The following DMD variants were observed in gnomAD, a reference collection of about 807,000 sequenced individuals.
DMD encodes dystrophin.
In DMD, 63 loss-of-function variants were observed where a neutral mutation model predicts 330.1. The ratio of observed to expected loss-of-function variants is 0.19; its 90% CI spans 0.16 to 0.24. The LOEUF is 0.24. Ranked by LOEUF, DMD falls within the 10% of genes least tolerant of loss-of-function variation. The pLI, the probability that DMD is intolerant of heterozygous loss-of-function variation, is 1.00. For synonymous variants in DMD, 1,223 were observed against 959.8 expected (o/e 1.27, Z -5.07); for missense variants, 3,344 against 2,684.1 (o/e 1.25, Z -5.43).
intron 2 of DMD, among the ~76,000 whole-genome samples, chrX:32,936,517 C>T (rs1305712782): frequency 8.9e-6 from 1 of 111,932 alleles, no homozygotes; most frequent in Non-Finnish European, 1.9e-5. Context: ...ACTCCTGAAA[C>T]CTTCACAAAG....
At chrX:31,311,679 C>G (rs752553395) in intron 62 of DMD, among the ~76,000 whole-genome samples, 1 of 110,364 alleles carries the variant, frequency 9.1e-6, no homozygotes, top group Admixed American at 9.6e-5. Context: ...TTTTTTAATT[C>G]TGTGAAGAAG....
At chrX:32,655,338 T>C (rs184582533) in intron 9 of DMD, among the ~76,000 whole-genome samples, 144 of 112,404 alleles carry the variant, frequency 1.3e-3, no homozygotes, top group African/African-American at 4.6e-3. Flanking sequence ...GTATGTTGTG[T>C]CTTTGTTCTC....
chrX:31,905,256 T>TACTTC (rs58052183), intron 47 of DMD, among the ~76,000 whole-genome samples: 1,287 of 111,669 alleles, frequency 0.012, 11 homozygotes, highest in African/African-American at 0.036. Context: ...GAGTTGTTGG[T>TACTTC]ACTTCAAATA....
intron 57 of DMD, among the ~76,000 whole-genome samples, chrX:31,494,386 T>C (rs955517947): frequency 9.0e-6 from 1 of 111,334 alleles, no homozygotes; most frequent in African/African-American, 3.3e-5. Flanking sequence ...GTTATTAAAA[T>C]TTAGATGATT....
At chrX:32,076,240 A>G (rs2096348843) in intron 44 of DMD, among the ~76,000 whole-genome samples, 1 of 109,211 alleles carries the variant, frequency 9.2e-6, no homozygotes, top group Admixed American at 9.9e-5. Context: ...AGCAGCTATG[A>G]TACAAGGCAA....
intron 34 of DMD, among the ~76,000 whole-genome samples, chrX:32,377,845 A>C (rs2097910099): frequency 9.0e-6 from 1 of 111,081 alleles, no homozygotes. Context: ...CAAAATTAAA[A>C]ATTAATAAAA....
chrX:32,140,462 T>C (rs997305721), intron 44 of DMD, among the ~76,000 whole-genome samples: 2 of 112,347 alleles, frequency 1.8e-5, no homozygotes, highest in African/African-American at 6.5e-5. Flanking sequence ...GAAAATTCAG[T>C]TATCCAAAGG....
chrX:32,782,932 C>A (rs751852860), intron 7 of DMD, among the ~76,000 whole-genome samples: 1 of 101,806 alleles, frequency 9.8e-6, no homozygotes, highest in Non-Finnish European at 2.0e-5. Flanking sequence ...ACCCCATGTA[C>A]CCACAAAAAT....
At chrX:32,558,896 C>T (rs1156969221) in intron 16 of DMD, among the ~76,000 whole-genome samples, 1 of 101,623 alleles carries the variant, frequency 9.8e-6, no homozygotes, top group Non-Finnish European at 2.0e-5. Flanking sequence ...CAAAATGATA[C>T]AGTTAATTTC....
intron 11 of DMD, among the ~76,000 whole-genome samples, chrX:32,620,983 T>A (rs184745342): frequency 9.0e-6 from 1 of 111,118 alleles, no homozygotes; most frequent in Non-Finnish European, 1.9e-5. Flanking sequence ...ATACTACGGA[T>A]GGAGAGGCAA....
chrX:31,594,644 T>C (rs1412173336), intron 55 of DMD, among the ~76,000 whole-genome samples: 1 of 111,615 alleles, frequency 9.0e-6, no homozygotes, highest in Non-Finnish European at 1.9e-5. Context: ...AGAATTTTCA[T>C]CCTGCTCTGA....
chrX:32,313,764 G>C (rs1369252313), intron 41 of DMD, among the ~76,000 whole-genome samples: 1 of 110,648 alleles, frequency 9.0e-6, no homozygotes, highest in African/African-American at 3.3e-5. Context: ...ATAACAGACA[G>C]AGAGCCAAAT....
At chrX:32,901,815 C>T (rs773412157) in intron 2 of DMD, among the ~76,000 whole-genome samples, 2 of 109,988 alleles carry the variant, frequency 1.8e-5, no homozygotes, top group African/African-American at 3.4e-5. Flanking sequence ...GGGTCAGTTG[C>T]GGAGGACGAC....
chrX:32,813,574 C>T (rs1374323777), intron 6 of DMD, among the ~76,000 whole-genome samples: 1 of 111,815 alleles, frequency 8.9e-6, no homozygotes, highest in Non-Finnish European at 1.9e-5. Context: ...TGTTTAAAAA[C>T]ATTCGTTTCT....
chrX:33,093,949 C>A (rs2095119954), intron 1 of DMD, among the ~76,000 whole-genome samples: 1 of 111,167 alleles, frequency 9.0e-6, no homozygotes, highest in Admixed American at 9.6e-5. Flanking sequence ...TATGAAAGTT[C>A]AGAACATCAA....
At chrX:31,289,447 G>C (rs750104774) in intron 62 of DMD, among the ~76,000 whole-genome samples, 21 of 110,366 alleles carry the variant, frequency 1.9e-4, no homozygotes, top group South Asian at 3.8e-4. Context: ...AATTTTAAAA[G>C]TAAACAGAAT....
At chrX:32,156,321 A>G (rs1313028413) in intron 44 of DMD, among the ~76,000 whole-genome samples, 1 of 112,321 alleles carries the variant, frequency 8.9e-6, no homozygotes, top group East Asian at 2.8e-4. Context: ...CAGTGGTTGC[A>G]GTGAGCCGAG....
intron 1 of DMD, among the ~76,000 whole-genome samples, chrX:33,130,952 T>C (rs1025037087): frequency 2.7e-5 from 3 of 111,752 alleles, no homozygotes; most frequent in Non-Finnish European, 3.8e-5. Flanking sequence ...ATATTGGTAA[T>C]GTTATTCCTT....
At chrX:31,682,096 G>C (rs1027184665) in intron 52 of DMD, among the ~76,000 whole-genome samples, 5 of 111,731 alleles carry the variant, frequency 4.5e-5, no homozygotes, top group Admixed American at 1.9e-4. Flanking sequence ...TAAATACATA[G>C]AAAGAAATAC....
Sources: allele counts gnomAD v4.1 joint callset (sites outside exome capture counted in the v4.1 genomes callset), GRCh38; gene constraint gnomAD v4.1.1; transcripts MANE v1.5; gene names NCBI Gene and HGNC (gene_info 2026-07-23, HGNC 2026-07-21).